The following FGF13 variants were observed in gnomAD, a reference collection of about 807,000 sequenced individuals.
FGF13 encodes fibroblast growth factor 13, also known as fibroblast growth factor homologous factor 2.
FGF13 carries 2 observed loss-of-function variants against 19.5 expected under a neutral mutation model. The ratio of observed to expected loss-of-function variants is 0.10; its 90% CI spans 0.04 to 0.32. The LOEUF (loss-of-function observed/expected upper bound fraction) is 0.32. FGF13 is among the 10% of genes least tolerant of loss of function. FGF13 has a pLI of 1.00. For synonymous variants in FGF13, 72 were observed against 76.9 expected (o/e 0.94, Z 0.33); for missense variants, 113 against 192.7 (o/e 0.59, Z 2.45).
At position 138,629,800 on chromosome X, in the gene FGF13, GACTC is replaced by G. The variant is rs748810463; in HGVS notation, c.*3046_*3049del. ...AATGCCAAGTTTTGGGCCCACACAA[GACTC>G]ACTCAATCAGAAACTCTGAAGGTGA... On this transcript the variant is annotated 3_prime_UTR_variant, in exon 5 of 5. Coordinates refer to ENST00000315930, the MANE Select transcript of FGF13 (RefSeq NM_004114.5). 4 of 111,689 alleles carry G rather than the reference GACTC, an allele frequency of 3.6e-5. No homozygotes were observed. Among genetic ancestry groups the G allele is most frequent in the Admixed American group, 1.9e-4 (2 of 10,466 alleles). The allele number at this position is 111,689 out of a possible 1,213,427, so 9.2% of individuals were successfully genotyped here. A position where few individuals can be genotyped will look rare whatever the true frequency, so the allele number is the denominator to read the frequency against.
chrX:139,100,934 C>T (rs1211301375), intron 1 of FGF13, among the ~76,000 whole-genome samples: 1 of 111,181 alleles, frequency 9.0e-6, no homozygotes, highest in African/African-American at 3.3e-5. Context: ...TACTCTTCTC[C>T]TGTGATACCA....
chrX:138,908,000 C>T lies in FGF13; in HGVS notation c.-112-43350G>A, dbSNP rs191023098. Among the ~76,000 whole-genome samples the T allele has an allele frequency of 5.9e-3, 645 of 110,134 alleles. 2 individuals are homozygous for T. The highest frequency in any genetic ancestry group is 9.4e-3 in the Non-Finnish European group (498 of 52,803). On this transcript the variant is annotated intron_variant, in intron 1 of 2. Coordinates refer to the FGF13 transcript ENST00000421460. ...TATTTGCTATTTGGTGCATCAAATA[C>T]ACCAAAATGTTAATGATGTATATGT...
chrX:139,183,956 T>A (rs2084259931), intron 1 of FGF13, among the ~76,000 whole-genome samples: 1 of 111,989 alleles, frequency 8.9e-6, no homozygotes, highest in Admixed American at 9.5e-5. Context: ...ATCTAACTGA[T>A]AATTTCTCCT....
At chrX:138,722,808 G>C (rs1210049177) in intron 1 of FGF13, among the ~76,000 whole-genome samples, 2 of 111,301 alleles carry the variant, frequency 1.8e-5, no homozygotes, top group East Asian at 5.6e-4. Context: ...TTTCTTTACA[G>C]GGTATAAAAT....
chrX:138,805,961 T>C (rs935675553), intron 3 of FGF13, among the ~76,000 whole-genome samples: 1 of 111,670 alleles, frequency 9.0e-6, no homozygotes, highest in Non-Finnish European at 1.9e-5. Context: ...TTGCATCTAG[T>C]TCGTCTTTGT....
rs2089067767 is a variant in FGF13, at chrX:138,626,841, C to T, written c.*6009G>A. Reference sequence around the variant, plus strand: ...TGTATTTTGAAACGTTCTTAAGACCCATGAAAGTCAAATATTGTTCAAGCT... The same window carrying T: ...TGTATTTTGAAACGTTCTTAAGACCTATGAAAGTCAAATATTGTTCAAGCT... On this transcript the variant is annotated 3_prime_UTR_variant, in exon 5 of 5. Transcript: ENST00000315930. 8.9e-6 allele frequency: 1 copy of T among 111,799 alleles called. No individual in the cohort carries two copies. Among genetic ancestry groups the T allele is most frequent in the African/African-American group, 3.2e-5 (1 of 30,773 alleles). The allele number at this position is 111,799 out of a possible 1,213,427, so 9.2% of individuals were successfully genotyped here. A position where few individuals can be genotyped will look rare whatever the true frequency, so the allele number is the denominator to read the frequency against.
At chrX:138,932,263 A>G (rs954672607) in intron 1 of FGF13, among the ~76,000 whole-genome samples, 3 of 111,998 alleles carry the variant, frequency 2.7e-5, no homozygotes, top group Non-Finnish European at 5.6e-5. Flanking sequence ...CTTTTGTACC[A>G]GATCACAGTT....
intron 1 of FGF13, among the ~76,000 whole-genome samples, chrX:139,099,775 A>G (rs993395349): frequency 1.8e-5 from 2 of 111,803 alleles, no homozygotes; most frequent in Non-Finnish European, 3.8e-5. Context: ...TAAACTTTAC[A>G]TAAGATTTCA....
chrX:139,106,638 T>C (rs1036780315), intron 1 of FGF13, among the ~76,000 whole-genome samples: 1 of 112,387 alleles, frequency 8.9e-6, no homozygotes, highest in Non-Finnish European at 1.9e-5. Context: ...TAATGAATCA[T>C]TTTCTTGTGC....
At chrX:139,042,221 G>T (rs931206758) in intron 1 of FGF13, among the ~76,000 whole-genome samples, 9 of 112,129 alleles carry the variant, frequency 8.0e-5, no homozygotes, top group African/African-American at 2.0e-4. Flanking sequence ...TAGTGCTGTT[G>T]TTCTTAGCAA....
chrX:138,828,431 G>C (rs988623294), intron 3 of FGF13, among the ~76,000 whole-genome samples: 2 of 110,185 alleles, frequency 1.8e-5, no homozygotes. Context: ...TTAGCCGGGC[G>C]TGGTGGCGGG....
chrX:138,746,600 A>G (rs1459457356), intron 3 of FGF13, among the ~76,000 whole-genome samples: 1 of 111,548 alleles, frequency 9.0e-6, no homozygotes, highest in African/African-American at 3.3e-5. Context: ...AAAAGTAGTG[A>G]AAAGCAGGGA....
chrX:139,067,817 C>G (rs1332464071), intron 1 of FGF13, among the ~76,000 whole-genome samples: 1 of 111,310 alleles, frequency 9.0e-6, no homozygotes, highest in African/African-American at 3.3e-5. Context: ...CCTTTGCCCA[C>G]TTTTTGATGG....
At chrX:138,653,448 G>A (rs1327812854) in intron 3 of FGF13, among the ~76,000 whole-genome samples, 1 of 111,356 alleles carries the variant, frequency 9.0e-6, no homozygotes, top group Non-Finnish European at 1.9e-5. Context: ...AAATTAAAAA[G>A]TTAAATTTTT....
At chrX:139,089,439 GGA>G (rs1249003070) in intron 1 of FGF13, among the ~76,000 whole-genome samples, 3 of 112,080 alleles carry the variant, frequency 2.7e-5, no homozygotes, top group African/African-American at 9.7e-5. Context: ...GTACCCAACT[GGA>G]CTCTTATGAA....
At chrX:138,714,162 A>G (rs184253493), upstream of FGF13, 3 of 111,379 alleles carry the variant, frequency 2.7e-5, no homozygotes, top group Admixed American at 2.8e-4. Context: ...ATTATTAATG[A>G]GACTTGAGAA....
At chrX:138,717,062 A>C (rs1489876208) in intron 1 of FGF13, among the ~76,000 whole-genome samples, 1 of 112,398 alleles carries the variant, frequency 8.9e-6, no homozygotes, top group Non-Finnish European at 1.9e-5. Context: ...TTCAGTCATA[A>C]TTTATGAACA....
intron 3 of FGF13, among the ~76,000 whole-genome samples, chrX:138,778,551 T>C (rs751577555): frequency 9.0e-6 from 1 of 111,506 alleles, no homozygotes; most frequent in African/African-American, 3.3e-5. Flanking sequence ...AAGAAAGGGG[T>C]GACAGACCGC....
intron 3 of FGF13, among the ~76,000 whole-genome samples, chrX:138,658,607 G>T (rs1007481906): frequency 8.9e-6 from 1 of 111,786 alleles, no homozygotes; most frequent in Non-Finnish European, 1.9e-5. Flanking sequence ...ACATTCGAGT[G>T]TCGGGAGTAG....
Sources: gnomAD v4.1 joint callset for allele counts (sites outside exome capture counted in the v4.1 genomes callset) on GRCh38, gnomAD v4.1.1 for gene constraint, MANE v1.5 for transcripts, NCBI Gene and HGNC (gene_info 2026-07-23, HGNC 2026-07-21) for gene names.